The following MBP variants were observed in gnomAD, a reference collection of about 807,000 sequenced individuals.
The protein encoded by MBP is Golli-MBP.
A neutral mutation model predicts 35.8 loss-of-function variants in MBP; 16 were observed. The ratio of observed to expected loss-of-function variants is 0.45; its 90% confidence interval spans 0.30 to 0.68. MBP has a LOEUF of 0.68. Ranked by LOEUF, MBP falls within the 30% of genes least tolerant of loss-of-function variation. MBP has a pLI of 0.08. For missense variants in MBP, 380 were observed against 404.7 expected, an observed-to-expected ratio of 0.94 and a Z score of 0.52; for synonymous variants, 143 against 159.6, an observed-to-expected ratio of 0.90 and a Z score of 0.78.
intron 2 of MBP, among the ~76,000 whole-genome samples, chr18:77,097,669 G>C (rs778215677): frequency 3.3e-5 from 5 of 152,174 alleles, no homozygotes; most frequent in Admixed American, 6.5e-5. Flanking sequence ...AGTGGGATGT[G>C]TTAGGAGCTG....
chr18:76,984,943 C>T (rs199560335), intron 7 of MBP, 49 bp from the exon 8 acceptor site: 67 of 1,605,316 alleles, frequency 4.2e-5, no homozygotes, highest in Non-Finnish European at 4.8e-5. Context: ...GTGCTGGGCA[C>T]GCTGCTTGAG....
intron 3 of MBP, among the ~76,000 whole-genome samples, chr18:77,037,828 G>T (rs1568306586): frequency 6.6e-6 from 1 of 152,194 alleles, no homozygotes; most frequent in South Asian, 2.1e-4. Flanking sequence ...GTGGCCACAT[G>T]CAGAAAGCAG....
chr18:77,056,756 G>T (rs1973740682), intron 3 of MBP, among the ~76,000 whole-genome samples: 1 of 152,128 alleles, frequency 6.6e-6, no homozygotes, highest in South Asian at 2.1e-4. Flanking sequence ...ACTTTTCTTT[G>T]ACACCACTGA....
chr18:77,080,585 A>AGACACAGGAGTACTAGAGAGGAAGT (rs1246489219), intron 2 of MBP, among the ~76,000 whole-genome samples: 1 of 152,276 alleles, frequency 6.6e-6, no homozygotes, highest in African/African-American at 2.4e-5. Flanking sequence ...CCCTTGGTCT[A>AGACACAGGAGTACTAGAGAGGAAGT]GACACAGGAG....
At chr18:77,017,300 C>T in intron 3 of MBP, 32 bp from the exon 4 acceptor site, 1 of 1,486,750 alleles carries the variant, frequency 6.7e-7, no homozygotes, top group Non-Finnish European at 8.9e-7. Flanking sequence ...GAATACGGGC[C>T]TGTGCAAAGC....
chr18:77,081,907 A>G (rs1385056793), intron 2 of MBP, among the ~76,000 whole-genome samples: 1 of 144,476 alleles, frequency 6.9e-6, no homozygotes. Context: ...GCTGGAGTGC[A>G]GTGGCATGAT....
chr18:77,016,707 C>T (rs755862624), intron 4 of MBP, 125 bp downstream of exon 4: 27 of 1,468,164 alleles, frequency 1.8e-5, no homozygotes, highest in Admixed American at 2.4e-5. Flanking sequence ...TTCTCCAGCA[C>T]GGAACGAGAC....
chr18:77,035,265 G>A (rs1056213522), intron 3 of MBP, among the ~76,000 whole-genome samples: 8 of 152,144 alleles, frequency 5.3e-5, no homozygotes, highest in African/African-American at 1.7e-4. Flanking sequence ...CCTGTGTCCC[G>A]GGACGTACAC....
chr18:77,078,175 C>G (rs1350572077), intron 2 of MBP, among the ~76,000 whole-genome samples: 3 of 152,224 alleles, frequency 2.0e-5, no homozygotes, highest in African/African-American at 7.2e-5. Flanking sequence ...GTCTCAACAT[C>G]TTACGTGTTC....
At chr18:77,041,408 C>T (rs1430556162) in intron 3 of MBP, among the ~76,000 whole-genome samples, 1 of 152,096 alleles carries the variant, frequency 6.6e-6, no homozygotes, top group African/African-American at 2.4e-5. Context: ...TGCCATTTGA[C>T]CCAGCCATCC....
intron 1 of MBP, among the ~76,000 whole-genome samples, chr18:77,126,135 T>G (rs1177665552): frequency 2.6e-5 from 4 of 152,166 alleles, no homozygotes; most frequent in East Asian, 1.9e-4. Flanking sequence ...GAACTATAGA[T>G]CAATATCTCA....
At chr18:77,104,540 A>C (rs1343160600) in intron 2 of MBP, among the ~76,000 whole-genome samples, 1 of 152,194 alleles carries the variant, frequency 6.6e-6, no homozygotes, top group African/African-American at 2.4e-5. Flanking sequence ...CCAGAGTGCA[A>C]AGTCAGAGCA....
intron 4 of MBP, among the ~76,000 whole-genome samples, chr18:77,009,043 T>A (rs1422408670): frequency 6.6e-6 from 1 of 152,250 alleles, no homozygotes; most frequent in Non-Finnish European, 1.5e-5. Context: ...CTTTTGCACA[T>A]TCCCATGCTT....
At chr18:77,030,206 T>C (rs1292705035) in intron 3 of MBP, among the ~76,000 whole-genome samples, 2 of 152,180 alleles carry the variant, frequency 1.3e-5, no homozygotes, top group Non-Finnish European at 2.9e-5. Flanking sequence ...GAATGGCTCC[T>C]GGAAATATTA....
intron 4 of MBP, chr18:77,010,158 C>T (rs915935602): frequency 1.8e-6 from 1 of 557,660 alleles, no homozygotes; most frequent in African/African-American, 1.9e-5. Flanking sequence ...AGGCATGCGC[C>T]CTGAAGGACT....
At chr18:77,062,753 C>T (rs1195489121) in intron 3 of MBP, among the ~76,000 whole-genome samples, 1 of 152,212 alleles carries the variant, frequency 6.6e-6, no homozygotes, top group Non-Finnish European at 1.5e-5. Context: ...AGCAATAGCA[C>T]CTGTGCCAGA....
chr18:77,045,310 G>A (rs142179265), intron 3 of MBP, among the ~76,000 whole-genome samples: 2 of 152,334 alleles, frequency 1.3e-5, no homozygotes, highest in African/African-American at 4.8e-5. Flanking sequence ...GCCGGCATCA[G>A]GTCAGGGTCT....
At chr18:77,080,929 C>T (rs145131409) in intron 2 of MBP, among the ~76,000 whole-genome samples, 2,526 of 152,264 alleles carry the variant, frequency 0.017, 74 homozygotes, top group African/African-American at 0.057. Flanking sequence ...GTGATTCACC[C>T]GCCTCAACCT....
At chr18:76,987,871 A>G in intron 7 of MBP, 1 of 1,053,510 alleles carries the variant, frequency 9.5e-7, no homozygotes, top group Non-Finnish European at 1.1e-6. Flanking sequence ...CAAATTGGCC[A>G]TTTTAAACCT....
Sources: gnomAD v4.1 joint callset for allele counts (sites outside exome capture counted in the v4.1 genomes callset) on GRCh38, gnomAD v4.1.1 for gene constraint, MANE v1.5 for transcripts, NCBI Gene and HGNC (gene_info 2026-07-23, HGNC 2026-07-21) for gene names.